FSTL5: variants seen among roughly 807,000 people sequenced by gnomAD.
FSTL5 encodes follistatin-related protein 5.
A neutral mutation model predicts 89.1 loss-of-function variants in FSTL5; 62 were observed. The ratio of observed to expected loss-of-function variants is 0.70; its 90% confidence interval spans 0.57 to 0.86. FSTL5 has a LOEUF of 0.86. Among genes scored for constraint, FSTL5 ranks in the 40% least tolerant of loss-of-function variants. FSTL5 has a pLI of 0.00. For synonymous variants in FSTL5, 383 were observed against 346.2 expected, an observed-to-expected ratio of 1.11 and a Z score of -1.18; for missense variants, 1,057 against 1,001.6, an observed-to-expected ratio of 1.06 and a Z score of -0.75.
intron 4 of FSTL5, among the ~76,000 whole-genome samples, chr4:161,848,341 G>T (rs1346608346): frequency 6.6e-6 from 1 of 152,072 alleles, no homozygotes; most frequent in African/African-American, 2.4e-5. Flanking sequence ...GAGAGAGATG[G>T]TTACTATTTT....
chr4:161,748,606 GTT>G (rs5863480), intron 6 of FSTL5, among the ~76,000 whole-genome samples: 1,161 of 103,514 alleles, frequency 0.011, 6 homozygotes, highest in Middle Eastern at 0.016. Context: ...GGGGAAGCAC[GTT>G]TTTTTTTTTT....
At position 161,602,178 on chromosome 4, in the gene FSTL5, A is replaced by T. The variant is rs538062325; in HGVS notation, c.895-14603T>A. 1.1e-3 allele frequency among the ~76,000 whole-genome samples: 164 copies of T among 152,016 alleles called. 3 individuals are homozygous for T. Among genetic ancestry groups the T allele is most frequent in the Middle Eastern group, 6.8e-3 (2 of 294 alleles). On this transcript the variant is annotated intron_variant, in intron 7 of 15. Coordinates refer to ENST00000306100, the MANE Select transcript of FSTL5 (RefSeq NM_020116.5). ...AAATAAATAAGACACACACAGAAAA[A>T]AAAAGAAAACAAAAAGCGTGTGCGC...
chr4:162,003,557 G>A lies in FSTL5; in HGVS notation c.160+30068C>T, dbSNP rs185966566. ...AGAAAGAACACAGCAAGGCAGCCAG[G>A]CAGAGAGGAAGGTAGAGAGGAAAGG... On this transcript the variant is annotated intron_variant, in intron 3 of 15. Coordinates refer to ENST00000306100, the MANE Select transcript of FSTL5 (RefSeq NM_020116.5). Among the ~76,000 whole-genome samples, 8 of 152,186 alleles carry A rather than the reference G, an allele frequency of 5.3e-5. No homozygotes were observed. The East Asian group carries it at 1.4e-3, about 26-fold the overall frequency.
At chr4:161,692,318 C>G (rs1056672645) in intron 6 of FSTL5, among the ~76,000 whole-genome samples, 1 of 145,040 alleles carries the variant, frequency 6.9e-6, no homozygotes, top group African/African-American at 2.6e-5. Flanking sequence ...ATGCTTTTTC[C>G]ACGTCTACTG....
At chr4:162,060,121 G>A (rs1738674615) in intron 2 of FSTL5, among the ~76,000 whole-genome samples, 2 of 152,086 alleles carry the variant, frequency 1.3e-5, no homozygotes, top group South Asian at 4.2e-4. Flanking sequence ...TAATCAGTCG[G>A]TTTGTGTTTA....
intron 15 of FSTL5, chr4:161,388,539 G>C (rs1174995124): frequency 6.6e-6 from 1 of 151,876 alleles, no homozygotes; most frequent in Middle Eastern, 3.2e-3. Flanking sequence ...AAAAACTAAT[G>C]AACTCCATTT....
intron 7 of FSTL5, among the ~76,000 whole-genome samples, chr4:161,629,064 A>G (rs1382767419): frequency 6.6e-6 from 1 of 152,184 alleles, no homozygotes; most frequent in Non-Finnish European, 1.5e-5. Context: ...AAGAAATGAC[A>G]TCAATTATTA....
chr4:161,905,604 A>G (rs1285440632), intron 4 of FSTL5, among the ~76,000 whole-genome samples: 1 of 152,182 alleles, frequency 6.6e-6, no homozygotes, highest in Non-Finnish European at 1.5e-5. Flanking sequence ...GGGACTCACA[A>G]GTAGGTAAGA....
intron 11 of FSTL5, among the ~76,000 whole-genome samples, chr4:161,506,900 A>G (rs1451108423): frequency 1.3e-5 from 2 of 152,300 alleles, no homozygotes; most frequent in East Asian, 3.9e-4. Context: ...AAATGTTTCT[A>G]TAACATATTT....
At chr4:162,063,134 T>C (rs1197532870) in intron 2 of FSTL5, among the ~76,000 whole-genome samples, 18 of 151,804 alleles carry the variant, frequency 1.2e-4, no homozygotes, top group Non-Finnish European at 4.4e-5. Context: ...CCCTTCTGGG[T>C]TTAGCCTTTT....
chr4:161,651,624 A>G (rs1192782599), intron 7 of FSTL5, among the ~76,000 whole-genome samples: 1 of 152,210 alleles, frequency 6.6e-6, no homozygotes, highest in East Asian at 1.9e-4. Context: ...CAGTGTTAAC[A>G]GATTTAAAGT....
chr4:161,780,716 TCA>T (rs1741634955), intron 4 of FSTL5, among the ~76,000 whole-genome samples: 1 of 152,172 alleles, frequency 6.6e-6, no homozygotes, highest in Non-Finnish European at 1.5e-5. Flanking sequence ...CCTCTCCAAG[TCA>T]CACAGAACTG....
At chr4:161,976,226 G>A (rs1478736661) in intron 3 of FSTL5, among the ~76,000 whole-genome samples, 1 of 151,946 alleles carries the variant, frequency 6.6e-6, no homozygotes, top group Admixed American at 6.6e-5. Flanking sequence ...TTGGCAGAAA[G>A]GCAGTAGATT....
At chr4:161,967,200 T>TA (rs1162670615) in intron 3 of FSTL5, among the ~76,000 whole-genome samples, 1 of 152,102 alleles carries the variant, frequency 6.6e-6, no homozygotes, top group Non-Finnish European at 1.5e-5. Flanking sequence ...TACATCATCT[T>TA]AAAATTGTCC....
intron 3 of FSTL5, among the ~76,000 whole-genome samples, chr4:161,939,925 G>A (rs1414701454): frequency 6.6e-6 from 1 of 151,680 alleles, no homozygotes; most frequent in African/African-American, 2.4e-5. Flanking sequence ...CAAACTAAGA[G>A]AATGCTAAGT....
chr4:162,086,852 GAA>G (rs1473755202), intron 2 of FSTL5, among the ~76,000 whole-genome samples: 1 of 151,922 alleles, frequency 6.6e-6, no homozygotes, highest in African/African-American at 2.4e-5. Context: ...AATAGTTAAG[GAA>G]AATGAAATCA....
At chr4:161,614,363 A>G (rs1578967979) in intron 7 of FSTL5, among the ~76,000 whole-genome samples, 1 of 152,302 alleles carries the variant, frequency 6.6e-6, no homozygotes, top group East Asian at 1.9e-4. Flanking sequence ...TTTTCAAAAT[A>G]AGGTTAATAA....
chr4:161,596,352 C>A (rs150880568), intron 7 of FSTL5, among the ~76,000 whole-genome samples: 2,296 of 151,814 alleles, frequency 0.015, 71 homozygotes, highest in South Asian at 0.14. Flanking sequence ...TGTCAACTAA[C>A]ACGAATTGAA....
At chr4:161,808,281 CAT>C (rs1730029799) in intron 4 of FSTL5, among the ~76,000 whole-genome samples, 1 of 151,774 alleles carries the variant, frequency 6.6e-6, no homozygotes, top group Non-Finnish European at 1.5e-5. Flanking sequence ...AAAAATCAAA[CAT>C]AGAATTACCA....
Sources: gnomAD v4.1 joint callset for allele counts (sites outside exome capture counted in the v4.1 genomes callset) on GRCh38, gnomAD v4.1.1 for gene constraint, MANE v1.5 for transcripts, NCBI Gene and HGNC (gene_info 2026-07-23, HGNC 2026-07-21) for gene names.